Variants in ERVK3-1 observed in about 807,000 individuals in gnomAD.
ERVK3-1 encodes the protein endogenous retrovirus group K3 member 1, also known as HERV-K(HML6-1).
chr19:58,306,787 A>G (rs2147968010), intron 2 of ERVK3-1, among the ~76,000 whole-genome samples: 2 of 152,344 alleles, frequency 1.3e-5, no homozygotes, highest in East Asian at 1.9e-4. Flanking sequence ...GCCTGATCCA[A>G]ATAATCCACA....
chr19:58,307,081 G>T (rs766996666), intron 2 of ERVK3-1, among the ~76,000 whole-genome samples: 2 of 152,234 alleles, frequency 1.3e-5, no homozygotes, highest in African/African-American at 4.8e-5. Context: ...AATGCTATTG[G>T]GTAGTGACTC....
chr19:58,313,912 G>A lies in ERVK3-1; in HGVS notation c.295-836G>A, dbSNP rs1443235827. ...TCTCCTTAGTCACACTAATAACCTCGGTTGTAGTGTCCTCAGTAGCACTAC... is the reference window on the plus strand; with the variant it reads ...TCTCCTTAGTCACACTAATAACCTCAGTTGTAGTGTCCTCAGTAGCACTAC... On this transcript the variant is annotated intron_variant, in intron 3 of 3. Coordinates refer to ENST00000413518, the Ensembl canonical transcript of ERVK3-1. The surrounding 1 kb of genome is among the most constrained non-coding windows in gnomAD (Gnocchi z 4.5). Among the ~76,000 whole-genome samples the A allele has an allele frequency of 2.0e-5, 3 of 152,068 alleles. No homozygotes were observed. The highest frequency in any genetic ancestry group is 4.8e-5 in the African/African-American group (2 of 41,398).
chr19:58,307,812 T>C (rs1350402836), intron 2 of ERVK3-1, among the ~76,000 whole-genome samples: 1 of 152,194 alleles, frequency 6.6e-6, no homozygotes, highest in Non-Finnish European at 1.5e-5. Flanking sequence ...GCCACAACCC[T>C]GCTACAGGGG....
rs895251060 is a variant in ERVK3-1, at chr19:58,313,511, T to C, written c.294+1049T>C. Among the ~76,000 whole-genome samples the C allele has an allele frequency of 3.9e-5, 6 of 152,224 alleles. No homozygotes were observed. The highest frequency in any genetic ancestry group is 8.8e-5 in the Non-Finnish European group (6 of 68,042). On this transcript the variant is annotated intron_variant, in intron 3 of 3. Coordinates refer to ENST00000413518, the Ensembl canonical transcript of ERVK3-1. The surrounding 1 kb of genome is among the most constrained non-coding windows in gnomAD (Gnocchi z 4.5). Reference sequence around the variant, plus strand: ...TTTCACCTTCTTGGCCAGGCTGCTCTTGAATTCCTGACCTCGTGATCCACC... The same window carrying C: ...TTTCACCTTCTTGGCCAGGCTGCTCCTGAATTCCTGACCTCGTGATCCACC...
chr19:58,311,828 G>T, intron 2 of ERVK3-1: 1 of 174,380 alleles, frequency 5.7e-6, no homozygotes, highest in Non-Finnish European at 1.2e-5. Context: ...TTTTACAATT[G>T]TGGGCAATCA....
chr19:58,312,190 C>T lies in ERVK3-1; in HGVS notation c.22C>T (p.Pro8Ser). 2.5e-6 allele frequency: 1 copy of T among 400,124 alleles called. No individual in the cohort carries two copies. Among genetic ancestry groups the T allele is most frequent in the East Asian group, 3.6e-5 (1 of 28,068 alleles). The allele number at this position is 400,124 out of a possible 1,614,324, so 24.8% of individuals were successfully genotyped here. Residue 8 changes from proline to serine, a missense_variant, in exon 3 of 4, where the codon CCT becomes TCT. Transcript: ENST00000413518. This position sits in a 1 kb window ranked among gnomAD's most constrained non-coding sequence, Gnocchi z 4.7. ...GGAGATGGACAAACCGTGTGGGTGC[C>T]CTCCAGGTGTGTGTGACCATGGAAC...
At position 58,310,442 on chromosome 19, in the gene ERVK3-1, CA is replaced by C; in HGVS notation, c.-3-1720del. Reference sequence around the variant, plus strand: ...GCGCTCTTATTTATTGGATACAAAGCAAAAGGGGCAGGGTAAAGAGTGTGAG... The same window carrying C: ...GCGCTCTTATTTATTGGATACAAAGCAAAGGGGCAGGGTAAAGAGTGTGAG... On this transcript the variant is annotated intron_variant, in intron 2 of 3. Transcript: ENST00000413518. The surrounding 1 kb of genome is among the most constrained non-coding windows in gnomAD (Gnocchi z 4.7). The C allele has an allele frequency of 6.2e-6, 1 of 162,282 alleles. No homozygotes were observed. Among genetic ancestry groups the C allele is most frequent in the Non-Finnish European group, 1.3e-5 (1 of 75,468 alleles). The allele number at this position is 162,282 out of a possible 1,614,324, so 10.1% of individuals were successfully genotyped here. A position where few individuals can be genotyped will look rare whatever the true frequency, so the allele number is the denominator to read the frequency against.
chr19:58,315,513 G>C (rs991877620), exon 4 of ERVK3-1: 1 of 152,184 alleles, frequency 6.6e-6, no homozygotes, highest in Non-Finnish European at 1.5e-5. Flanking sequence ...GTTGTAGCAT[G>C]TATCAGTTTT....
At chr19:58,311,158 G>C (rs2051554541) in intron 2 of ERVK3-1, 1 of 152,384 alleles carries the variant, frequency 6.6e-6, no homozygotes, top group African/African-American at 2.4e-5. Context: ...TCTATATCTG[G>C]TATAACTATT....
Position 58,314,729 on chromosome 19 carries a change from T to G in ERVK3-1, c.295-19T>G. ...ATTACAAGAATAATGTTGTTATGTC[T>G]CTGTTTTTTTGCTCATAGTCTATAG... On this transcript the variant is annotated intron_variant, in intron 3 of 3. Transcript: ENST00000413518. The G allele has an allele frequency of 2.5e-6, 1 of 399,524 alleles. No homozygotes were observed. Among genetic ancestry groups the G allele is most frequent in the Non-Finnish European group, 4.4e-6 (1 of 225,776 alleles). The allele number at this position is 399,524 out of a possible 1,614,324, so 24.7% of individuals were successfully genotyped here.
downstream of ERVK3-1, among the ~76,000 whole-genome samples, chr19:58,316,600 CATAGAG>C: frequency 6.6e-6 from 1 of 152,190 alleles, no homozygotes; most frequent in East Asian, 1.9e-4. Context: ...GTTCCCAGGA[CATAGAG>C]ATTGTGGTGA....
downstream of ERVK3-1, among the ~76,000 whole-genome samples, chr19:58,315,883 A>G (rs543871940): frequency 6.6e-6 from 1 of 152,300 alleles, no homozygotes; most frequent in South Asian, 2.1e-4. Context: ...CTAGAGCCAC[A>G]CTGATGTGTA....
At chr19:58,305,752 A>C (rs1337070679) in intron 1 of ERVK3-1, among the ~76,000 whole-genome samples, 1 of 152,180 alleles carries the variant, frequency 6.6e-6, no homozygotes, top group Non-Finnish European at 1.5e-5. Flanking sequence ...AACTGTTCTC[A>C]TGAAAGCAGG....
intron 2 of ERVK3-1, chr19:58,309,132 C>G (rs1376525472): frequency 6.6e-6 from 1 of 152,154 alleles, no homozygotes; most frequent in Non-Finnish European, 1.5e-5. Flanking sequence ...AGTTTTATTA[C>G]CCCAGGCATG....
chr19:58,311,428 C>T (rs900440298), intron 2 of ERVK3-1: 10 of 152,170 alleles, frequency 6.6e-5, no homozygotes, highest in African/African-American at 2.4e-4. Flanking sequence ...TCAACAAGCC[C>T]AAGCTTCCCA....
chr19:58,312,240 T>C lies in ERVK3-1; in HGVS notation c.72T>C (p.Tyr24=), dbSNP rs548512116. The stretch of plus-strand genomic sequence containing the variant: ...CGGGAGACCGGAGGGATCCATGGTA[T>C]TCAACCGTGGGCCTGTTACCTCCAG... Residue 24 remains tyrosine, a synonymous_variant, in exon 3 of 4, where the codon TAT becomes TAC. Transcript: ENST00000413518. The surrounding 1 kb of genome is among the most constrained non-coding windows in gnomAD (Gnocchi z 4.7). 2.5e-6 allele frequency: 1 copy of C among 400,128 alleles called. No individual in the cohort carries two copies. The highest frequency in any genetic ancestry group is 3.6e-5 in the East Asian group (1 of 28,062). The allele number at this position is 400,128 out of a possible 1,614,324, so 24.8% of individuals were successfully genotyped here.
At position 58,313,776 on chromosome 19, in the gene ERVK3-1, A is replaced by G. The variant is rs1215296695; in HGVS notation, c.295-972A>G. 6.6e-6 allele frequency among the ~76,000 whole-genome samples: 1 copy of G among 152,186 alleles called. No homozygotes were observed. The highest frequency in any genetic ancestry group is 1.5e-5 in the Non-Finnish European group (1 of 68,040). ...ATCCCTGGATTATGGATCCCTGTCA[A>G]TTTGTGCAAACCTTGGGCTGCCACC... On this transcript the variant is annotated intron_variant, in intron 3 of 3. Coordinates refer to ENST00000413518, the Ensembl canonical transcript of ERVK3-1. The surrounding 1 kb of genome is among the most constrained non-coding windows in gnomAD (Gnocchi z 4.5).
chr19:58,312,059 G>T lies in ERVK3-1; in HGVS notation c.-3-107G>T, dbSNP rs564258904. 2 of 398,062 alleles carry T rather than the reference G, an allele frequency of 5.0e-6. No homozygotes were observed. The highest frequency in any genetic ancestry group is 4.1e-5 in the African/African-American group (2 of 48,740). The allele number at this position is 398,062 out of a possible 1,614,324, so 24.7% of individuals were successfully genotyped here. A position where few individuals can be genotyped will look rare whatever the true frequency, so the allele number is the denominator to read the frequency against. On this transcript the variant is annotated intron_variant, in intron 2 of 3. Coordinates refer to ENST00000413518, the Ensembl canonical transcript of ERVK3-1. This position sits in a 1 kb window ranked among gnomAD's most constrained non-coding sequence, Gnocchi z 4.7. ...GACACTGGCAACTGCTAGAGGAAAA[G>T]AGGCAAGTTTATCCAAAAGTGTTAT...
At position 58,312,262 on chromosome 19, in the gene ERVK3-1, C is replaced by G. The variant is rs1217143114; in HGVS notation, c.94C>G (p.Pro32Ala). ...GTATTCAACCGTGGGCCTGTTACCTCCAGTACGAGCCATGAGCCAGCGGAA... is the reference window on the plus strand; with the variant it reads ...GTATTCAACCGTGGGCCTGTTACCTGCAGTACGAGCCATGAGCCAGCGGAA... Residue 32 changes from proline (P) to alanine (A), a missense_variant, in exon 3 of 4, where the codon CCA becomes GCA. Pro to Ala is a conservative substitution (Grantham distance 27, BLOSUM62 -1). Coordinates refer to ENST00000413518, the Ensembl canonical transcript of ERVK3-1. The surrounding 1 kb of genome is among the most constrained non-coding windows in gnomAD (Gnocchi z 4.7). 1.0e-5 allele frequency: 4 copies of G among 400,018 alleles called. No homozygotes were observed. In the Admixed American group the frequency reaches 1.8e-4, roughly 18 times the overall value. 24.8% of individuals were successfully genotyped at this position (400,018 alleles called of 1,614,324 possible).
Sources: allele counts gnomAD v4.1 joint callset (sites outside exome capture counted in the v4.1 genomes callset), GRCh38; gene constraint gnomAD v4.1.1; non-coding constraint Gnocchi (gnomAD v3.1); transcripts MANE v1.5; gene names NCBI Gene and HGNC (gene_info 2026-07-23, HGNC 2026-07-21).